PCSK5: variants seen among roughly 807,000 people sequenced by gnomAD.
PCSK5 encodes the protein proprotein convertase subtilisin/kexin type 5.
Under a neutral mutation model 233.2 loss-of-function variants are expected in PCSK5, and 129 were observed. That is an observed-to-expected ratio of 0.55 (90% CI 0.48 to 0.64). The LOEUF (loss-of-function observed/expected upper bound fraction) is 0.64. PCSK5 is among the 30% of genes least tolerant of loss of function. PCSK5 has a pLI of 0.00. For synonymous variants in PCSK5, 825 were observed against 879.2 expected (o/e 0.94, Z 1.09); for missense variants, 2,076 against 2,430.1 (o/e 0.85, Z 3.06).
intron 9 of PCSK5, among the ~76,000 whole-genome samples, chr9:76,132,460 A>G (rs1417192322): frequency 1.3e-5 from 2 of 152,042 alleles, no homozygotes; most frequent in Non-Finnish European, 2.9e-5. Flanking sequence ...TTGTTGATAT[A>G]ACTTTACCAA....
At chr9:75,913,090 G>C (rs1822820409) in intron 1 of PCSK5, among the ~76,000 whole-genome samples, 1 of 152,342 alleles carries the variant, frequency 6.6e-6, no homozygotes, top group African/African-American at 2.4e-5. Flanking sequence ...AGAGAGCCCA[G>C]TTGATTGGGT....
intron 2 of PCSK5, among the ~76,000 whole-genome samples, chr9:75,969,859 G>C (rs978633918): frequency 6.6e-6 from 1 of 151,016 alleles, no homozygotes; most frequent in African/African-American, 2.4e-5. Flanking sequence ...GGGTTCCTTG[G>C]ACTCCAGAAA....
chr9:76,308,868 G>C, intron 29 of PCSK5, 140 bp downstream of exon 29: 1 of 609,250 alleles, frequency 1.6e-6, no homozygotes, highest in South Asian at 2.1e-5. Context: ...GGCTACTCGG[G>C]AGACACACAG....
chr9:76,192,739 T>TAAC (rs1824465938), intron 20 of PCSK5, among the ~76,000 whole-genome samples: 1 of 152,198 alleles, frequency 6.6e-6, no homozygotes, highest in African/African-American at 2.4e-5. Context: ...TACATAAGTA[T>TAAC]AACAAATACT....
chr9:75,908,032 A>C (rs1333494927), intron 1 of PCSK5, among the ~76,000 whole-genome samples: 1 of 152,184 alleles, frequency 6.6e-6, no homozygotes, highest in Admixed American at 6.5e-5. Flanking sequence ...ACTCTAGAAC[A>C]AACAGTCATA....
At chr9:75,921,380 A>G (rs1823251859) in intron 1 of PCSK5, among the ~76,000 whole-genome samples, 1 of 152,218 alleles carries the variant, frequency 6.6e-6, no homozygotes, top group Non-Finnish European at 1.5e-5. Context: ...CCGAAAGCGA[A>G]CATATACTGT....
chr9:76,297,114 G>A (rs1828464102), intron 27 of PCSK5, among the ~76,000 whole-genome samples: 1 of 152,136 alleles, frequency 6.6e-6, no homozygotes, highest in South Asian at 2.1e-4. Flanking sequence ...TAGTCTACCT[G>A]CTTGAGTTTC....
chr9:76,229,988 G>C (rs1016016596), intron 21 of PCSK5, among the ~76,000 whole-genome samples: 1 of 152,204 alleles, frequency 6.6e-6, no homozygotes, highest in Non-Finnish European at 1.5e-5. Context: ...TGGATGACTG[G>C]TGGTCCCAGA....
chr9:76,345,662 T>A (rs185691482), intron 35 of PCSK5, among the ~76,000 whole-genome samples: 2,364 of 152,178 alleles, frequency 0.016, 54 homozygotes, highest in African/African-American at 0.054. Flanking sequence ...GACCTCGTGA[T>A]ACACCCGCCT....
intron 3 of PCSK5, among the ~76,000 whole-genome samples, chr9:75,995,670 G>T (rs756988159): frequency 1.1e-4 from 17 of 151,338 alleles, no homozygotes; most frequent in Non-Finnish European, 1.9e-4. Context: ...TTTAACTTAG[G>T]TCTGTGGGCT....
At chr9:75,954,971 A>G (rs1396568685) in intron 2 of PCSK5, among the ~76,000 whole-genome samples, 1 of 152,220 alleles carries the variant, frequency 6.6e-6, no homozygotes, top group Admixed American at 6.5e-5. Flanking sequence ...TCCTTTAAAA[A>G]TAATTTGGAA....
At chr9:75,933,123 C>T (rs1823884673) in intron 2 of PCSK5, among the ~76,000 whole-genome samples, 1 of 152,100 alleles carries the variant, frequency 6.6e-6, no homozygotes, top group Non-Finnish European at 1.5e-5. Flanking sequence ...CCTAGGTTCT[C>T]CCGTTTTAGA....
At chr9:75,963,312 C>T (rs147738032) in intron 2 of PCSK5, among the ~76,000 whole-genome samples, 105 of 152,294 alleles carry the variant, frequency 6.9e-4, no homozygotes, top group African/African-American at 2.5e-3. Context: ...CACAGCTTTC[C>T]TCTAAAATTA....
chr9:76,101,706 A>G (rs570460018), intron 8 of PCSK5, among the ~76,000 whole-genome samples: 1 of 152,226 alleles, frequency 6.6e-6, no homozygotes, highest in Admixed American at 6.5e-5. Flanking sequence ...TCCTGATGTC[A>G]TTTTATTTAT....
chr9:76,308,714 C>A lies in PCSK5; in HGVS notation c.3674C>A (p.Thr1225Asn). Residue 1225 changes from threonine (T) to asparagine (N), a missense_variant, in exon 29 of 38, where the codon ACT becomes AAT. Coordinates refer to ENST00000674117, the MANE Select transcript of PCSK5 (RefSeq NM_001372043.1). ...TGCAATGGATCTGCAACTCTGTGCA[C>A]TTCATGTCCCAAAGGTTAGTGTGTT... ...KTCNGSATLC[T>N]SCPKGAYLLA... is the part of the protein sequence containing the mutation. 6.2e-7 allele frequency: 1 copy of A among 1,606,874 alleles called. No homozygotes were observed. Among genetic ancestry groups the A allele is most frequent in the East Asian group, 2.2e-5 (1 of 44,840 alleles).
intron 2 of PCSK5, among the ~76,000 whole-genome samples, chr9:75,972,446 T>C (rs920806796): frequency 7.9e-5 from 12 of 152,242 alleles, no homozygotes; most frequent in Non-Finnish European, 1.5e-4. Context: ...GGGAATAGTA[T>C]TGAATCCATA....
At chr9:76,125,409 A>T (rs1425221341) in intron 9 of PCSK5, among the ~76,000 whole-genome samples, 3 of 152,170 alleles carry the variant, frequency 2.0e-5, no homozygotes, top group Non-Finnish European at 4.4e-5. Context: ...GTCAGAGCTG[A>T]GGCTCTAGAA....
rs1247041465 is a variant in PCSK5, at chr9:75,891,493, CTT to C, written c.192+121_192+122del. On this transcript the variant is annotated intron_variant, in intron 1 of 37. Transcript: ENST00000674117. Reference sequence around the variant, plus strand: ...TGCTCTAGCAGCTGTTGCCCTAACTCTTGGGCGATGCTCTGTCTCCTGCGCGC... The same window carrying C: ...TGCTCTAGCAGCTGTTGCCCTAACTCGGGCGATGCTCTGTCTCCTGCGCGC... The C allele has an allele frequency of 3.8e-6, 3 of 791,462 alleles. No individual in the cohort carries two copies. In the African/African-American group the frequency reaches 5.5e-5, roughly 15 times the overall value. The allele number at this position is 791,462 out of a possible 1,614,324, so 49.0% of individuals were successfully genotyped here.
At chr9:76,282,074 T>TCC (rs1384251471) in intron 24 of PCSK5, among the ~76,000 whole-genome samples, 79 of 138,736 alleles carry the variant, frequency 5.7e-4, no homozygotes, top group East Asian at 2.3e-3. Flanking sequence ...CTTTTTTTTT[T>TCC]TCCCCACTCT....
Sources: gnomAD v4.1 joint callset for allele counts (sites outside exome capture counted in the v4.1 genomes callset) on GRCh38, gnomAD v4.1.1 for gene constraint, MANE v1.5 for transcripts, NCBI Gene and HGNC (gene_info 2026-07-23, HGNC 2026-07-21) for gene names.